Variants in MYO5C observed in about 807,000 individuals in gnomAD.
The protein encoded by MYO5C is myosin VC.
In MYO5C, 194 loss-of-function variants were observed where a neutral mutation model predicts 235.7. The ratio of observed to expected loss-of-function variants is 0.82; its 90% CI spans 0.73 to 0.93. The LOEUF (loss-of-function observed/expected upper bound fraction) is 0.93, where lower values mean the gene tolerates loss of function less well. Ranked by LOEUF, MYO5C falls within the 40% of genes least tolerant of loss-of-function variation. The pLI, the probability that MYO5C is intolerant of heterozygous loss-of-function variation, is 0.00. For synonymous variants in MYO5C, 707 were observed against 754.8 expected (o/e 0.94, Z 1.04); for missense variants, 2,038 against 2,127.2 (o/e 0.96, Z 0.82).
rs111952796 is a variant in MYO5C, at chr15:52,193,971, G to C, written c.5160C>G (p.Pro1720=). Residue 1720 remains proline, a synonymous_variant, in exon 41 of 41, where the codon CCC becomes CCG. Transcript: ENST00000261839. ...GAATCATTTCCAGAGCATGTGGAGA[G>C]GGGGTAAAAGGAAATGTGACTTGAA... ...YLFQVTFPFT[P]SPHALEMIQI... 3.1e-6 allele frequency: 5 copies of C among 1,613,724 alleles called. No homozygotes were observed. Among genetic ancestry groups the C allele is most frequent in the Non-Finnish European group, 4.2e-6 (5 of 1,179,872 alleles).
intron 35 of MYO5C, among the ~76,000 whole-genome samples, chr15:52,210,989 C>T (rs1272353065): frequency 2.0e-5 from 3 of 152,172 alleles, no homozygotes; most frequent in African/African-American, 7.2e-5. Flanking sequence ...GTATACCATA[C>T]ACACATGGTC....
chr15:52,214,662 T>A lies in MYO5C; in HGVS notation c.3983A>T (p.Asp1328Val), dbSNP rs766407525. Residue 1328 changes from aspartate to valine, a missense_variant, in exon 33 of 41, where the codon GAC becomes GTC. By Grantham distance (152) the Asp-to-Val change is radical. Transcript: ENST00000261839. ...ATCTTGTAGCTTTTTAATCACTCTG[T>A]CTTTCATGTCTAATTCTTCTTCAAG... ...RDLEEELDMK[D>V]RVIKKLQDQV... 6.2e-7 allele frequency: 1 copy of A among 1,608,644 alleles called. No homozygotes were observed. The highest frequency in any genetic ancestry group is 1.1e-5 in the South Asian group (1 of 90,028).
intron 5 of MYO5C, 110 bp downstream of exon 5, chr15:52,275,452 C>A: frequency 2.2e-6 from 3 of 1,384,468 alleles, no homozygotes; most frequent in South Asian, 1.3e-5. Context: ...CCTGCCCTCA[C>A]TTCTTTAGTC....
At chr15:52,232,590 A>C (rs193286347) in intron 24 of MYO5C, 32 bp downstream of exon 24, 1 of 1,601,202 alleles carries the variant, frequency 6.2e-7, no homozygotes, top group Non-Finnish European at 8.6e-7. Flanking sequence ...CAGAAGAAAG[A>C]AAGTAGCTTT....
chr15:52,286,439 G>A (rs2037274985), intron 1 of MYO5C, among the ~76,000 whole-genome samples: 1 of 152,196 alleles, frequency 6.6e-6, no homozygotes, highest in African/African-American at 2.4e-5. Flanking sequence ...TCTGGGAGGT[G>A]TGCCCAACAG....
At chr15:52,213,363 C>T (rs913479905) in intron 33 of MYO5C, 77 bp from the exon 34 acceptor site, 2 of 1,031,624 alleles carry the variant, frequency 1.9e-6, no homozygotes, top group African/African-American at 1.6e-5. Flanking sequence ...TACTCTCCTA[C>T]CCCATTCTGG....
At chr15:52,291,014 C>T (rs1432742181) in intron 1 of MYO5C, among the ~76,000 whole-genome samples, 2 of 152,184 alleles carry the variant, frequency 1.3e-5, no homozygotes, top group African/African-American at 4.8e-5. Flanking sequence ...GTCCATTATA[C>T]TGGTGTGGAA....
intron 1 of MYO5C, among the ~76,000 whole-genome samples, chr15:52,290,974 G>C (rs963518663): frequency 6.6e-5 from 10 of 152,158 alleles, no homozygotes; most frequent in Admixed American, 6.5e-4. Flanking sequence ...AATCCTCATA[G>C]TGACCTCCTC....
chr15:52,279,078 T>C (rs982176920), intron 3 of MYO5C, 61 bp from the exon 4 acceptor site: 7 of 1,553,668 alleles, frequency 4.5e-6, no homozygotes, highest in Non-Finnish European at 6.1e-6. Flanking sequence ...CTCCAGTTTT[T>C]TTTTTTTTAA....
At chr15:52,200,789 C>T (rs1404479771) in intron 38 of MYO5C, among the ~76,000 whole-genome samples, 1 of 151,892 alleles carries the variant, frequency 6.6e-6, no homozygotes, top group Admixed American at 6.6e-5. Flanking sequence ...AAAGTAAAGC[C>T]AAACTCTCTT....
chr15:52,283,787 T>A (rs2037207116), intron 1 of MYO5C, among the ~76,000 whole-genome samples: 1 of 152,122 alleles, frequency 6.6e-6, no homozygotes, highest in Non-Finnish European at 1.5e-5. Flanking sequence ...GTGATTCTCC[T>A]GCCTCAGCCT....
chr15:52,203,343 T>C (rs2035230589), intron 38 of MYO5C, among the ~76,000 whole-genome samples: 3 of 152,160 alleles, frequency 2.0e-5, no homozygotes, highest in Non-Finnish European at 2.9e-5. Context: ...AGTTATTTTA[T>C]CTTTTTTATT....
intron 8 of MYO5C, among the ~76,000 whole-genome samples, chr15:52,265,380 C>T (rs545984736): frequency 1.3e-5 from 2 of 151,910 alleles, no homozygotes; most frequent in South Asian, 2.1e-4. Flanking sequence ...CTGAGAGATG[C>T]GCTCGGGCTG....
At chr15:52,258,332 G>T (rs950829741) in intron 10 of MYO5C, among the ~76,000 whole-genome samples, 1 of 152,190 alleles carries the variant, frequency 6.6e-6, no homozygotes, top group African/African-American at 2.4e-5. Flanking sequence ...TGTAGATGCA[G>T]AAACTAAGGC....
intron 23 of MYO5C, among the ~76,000 whole-genome samples, chr15:52,234,103 T>C (rs2036027051): frequency 1.3e-5 from 2 of 152,248 alleles, no homozygotes; most frequent in Admixed American, 1.3e-4. Flanking sequence ...GCATTGGCTT[T>C]AATTCTGGTG....
At chr15:52,203,405 T>C (rs1269245712) in intron 38 of MYO5C, among the ~76,000 whole-genome samples, 1 of 152,112 alleles carries the variant, frequency 6.6e-6, no homozygotes. Context: ...TGGAGTGCAA[T>C]GGTGTGATCT....
At chr15:52,251,968 A>C (rs1232931516) in intron 12 of MYO5C, among the ~76,000 whole-genome samples, 1 of 152,106 alleles carries the variant, frequency 6.6e-6, no homozygotes, top group African/African-American at 2.4e-5. Flanking sequence ...GCCTGGCCTT[A>C]GAGGCTTTTA....
chr15:52,238,790 C>A (rs564303946), intron 21 of MYO5C, among the ~76,000 whole-genome samples: 2 of 151,576 alleles, frequency 1.3e-5, no homozygotes, highest in African/African-American at 2.4e-5. Flanking sequence ...TACAGGCGCC[C>A]GCCACCACGC....
chr15:52,211,171 T>C (rs2035433912), intron 35 of MYO5C, among the ~76,000 whole-genome samples: 1 of 152,222 alleles, frequency 6.6e-6, no homozygotes, highest in African/African-American at 2.4e-5. Context: ...AGATGGCTCA[T>C]TATGGAACCG....
Sources: allele counts gnomAD v4.1 joint callset (sites outside exome capture counted in the v4.1 genomes callset), GRCh38; gene constraint gnomAD v4.1.1; transcripts MANE v1.5; gene names NCBI Gene and HGNC (gene_info 2026-07-23, HGNC 2026-07-21).